Variants in CAMSAP3 observed in about 807,000 individuals in gnomAD.
CAMSAP3 encodes calmodulin-regulated spectrin-associated protein 3.
In CAMSAP3, 34 loss-of-function variants were observed where a neutral mutation model predicts 112.5. That is an observed-to-expected ratio of 0.30 (90% CI 0.23 to 0.40). CAMSAP3 has a LOEUF of 0.40. Among genes scored for constraint, CAMSAP3 ranks in the 10% least tolerant of loss-of-function variants. The pLI, the probability that CAMSAP3 is intolerant of heterozygous loss-of-function variation, is 1.00. For missense variants in CAMSAP3, 1,602 were observed against 1,770.3 expected, an observed-to-expected ratio of 0.90 and a Z score of 1.71; for synonymous variants, 868 against 799.8, an observed-to-expected ratio of 1.09 and a Z score of -1.44.
At chr19:7,603,848 G>A (rs938816800) in intron 1 of CAMSAP3, among the ~76,000 whole-genome samples, 12 of 151,834 alleles carry the variant, frequency 7.9e-5, no homozygotes, top group East Asian at 5.8e-4. Flanking sequence ...AGAGAAGGCT[G>A]TGCAGGCTGG....
chr19:7,596,517 CCTT>C (rs74842584), intron 1 of CAMSAP3, among the ~76,000 whole-genome samples: 20,053 of 152,092 alleles, frequency 0.13, 1,398 homozygotes, highest in Non-Finnish European at 0.15. Context: ...CCCTTGCACG[CCTT>C]CTTCTCTTTT....
At chr19:7,605,500 T>A (rs2030167102) in intron 2 of CAMSAP3, 21 bp downstream of exon 2, 3 of 1,450,130 alleles carry the variant, frequency 2.1e-6, no homozygotes, top group Admixed American at 2.6e-5. Context: ...CCACTGCCTG[T>A]TAGACCACGC....
chr19:7,616,402 G>C (rs2146177158), intron 13 of CAMSAP3, 121 bp from the exon 14 acceptor site: 1 of 730,068 alleles, frequency 1.4e-6, no homozygotes, highest in South Asian at 1.5e-5. Context: ...GGGTGCTGCA[G>C]AGGGCCGAGG....
chr19:7,605,561 TC>T (rs2030170999), intron 2 of CAMSAP3, 82 bp downstream of exon 2: 4 of 1,372,146 alleles, frequency 2.9e-6, no homozygotes, highest in Non-Finnish European at 3.8e-6. Context: ...TCCTGGCTCC[TC>T]CCAAGTTCCC....
Position 7,611,800 on chromosome 19 carries a change from G to C in CAMSAP3, c.1307G>C (p.Gly436Ala), listed in dbSNP as rs764179613. ...LLRSVSSDSLGPPRPAPARTP... is the reference protein window; with the variant it reads ...LLRSVSSDSLAPPRPAPARTP... The stretch of plus-strand genomic sequence containing the variant: ...CGCTCTGTGAGCTCGGACAGCCTGG[G>C]CCCCCCGCGTCCCGCGCCGGCCAGG... The change falls in exon 11 of 17, where the codon GGC becomes GCC. Residue 436 changes from glycine (G) to alanine (A), a missense_variant. Gly to Ala is a moderately conservative substitution (Grantham distance 60). Coordinates refer to ENST00000160298, the MANE Select transcript of CAMSAP3 (RefSeq NM_020902.2). This position sits in a 1 kb window ranked among gnomAD's most constrained non-coding sequence, Gnocchi z 6.9. The C allele has an allele frequency of 1.1e-5, 17 of 1,596,200 alleles. No homozygotes were observed. The highest frequency in any genetic ancestry group is 1.3e-5 in the Non-Finnish European group (15 of 1,172,072).
intron 1 of CAMSAP3, among the ~76,000 whole-genome samples, chr19:7,602,739 C>T (rs2146159184): frequency 7.2e-6 from 1 of 139,228 alleles, no homozygotes; most frequent in African/African-American, 2.6e-5. Context: ...GGTAGGGTGG[C>T]CTGGGGTGGG....
rs200525165 is a variant in CAMSAP3 at position 7,611,540 on chromosome 19, A to G, written c.1147A>G (p.Met383Val). 1.1e-4 allele frequency: 177 copies of G among 1,612,298 alleles called. No individual in the cohort carries two copies. The highest frequency in any genetic ancestry group is 1.4e-4 in the Non-Finnish European group (170 of 1,179,726). ...STGSLKSSPSMSHMEALGKAW... is the reference protein window; with the variant it reads ...STGSLKSSPSVSHMEALGKAW... ...AGGCTCCCTGAAGTCTTCCCCGTCC[A>G]TGTCCCATATGGAGGCCCTGGGCAA... is the stretch of plus-strand genomic sequence containing the variant. Residue 383 changes from methionine to valine, a missense_variant, in exon 10 of 17, where the codon ATG becomes GTG. Physicochemically the swap from Met to Val is conservative, Grantham distance 21 (BLOSUM62 1). Coordinates refer to ENST00000160298, the MANE Select transcript of CAMSAP3 (RefSeq NM_020902.2). This position sits in a 1 kb window ranked among gnomAD's most constrained non-coding sequence, Gnocchi z 6.9.
At chr19:7,606,149 A>AACCCCCCCCCCCCCCCCCCC in intron 2 of CAMSAP3, 122 bp from the exon 3 acceptor site, 1 of 135,318 alleles carries the variant, frequency 7.4e-6, no homozygotes, top group Non-Finnish European at 1.4e-5. Context: ...CCGCCCCCTC[A>AACCCCCCCCCCCCCCCCCCC]AGCCCCACCC....
intron 1 of CAMSAP3, among the ~76,000 whole-genome samples, chr19:7,599,755 G>C (rs1341598262): frequency 1.0e-4 from 5 of 49,210 alleles, no homozygotes; most frequent in Admixed American, 5.2e-4. Context: ...ATCCAACCAC[G>C]CACTCATCCA....
intron 1 of CAMSAP3, among the ~76,000 whole-genome samples, chr19:7,601,834 G>T (rs1411268371): frequency 6.6e-6 from 1 of 152,070 alleles, no homozygotes; most frequent in Non-Finnish European, 1.5e-5. Flanking sequence ...GGAGGCTAAG[G>T]TGGGTGGGTT....
rs779477280 is a variant in CAMSAP3 at position 7,611,655 on chromosome 19, C to T, written c.1194-32C>T. ...GGGCGGGTTGGGGCCGAGGCTGGTC[C>T]CAGGGGCTGACCCCTCCCTCCGGCC... On this transcript the variant is annotated intron_variant, in intron 10 of 16. Transcript: ENST00000160298. The surrounding 1 kb of genome is among the most constrained non-coding windows in gnomAD (Gnocchi z 6.9). 6.3e-7 allele frequency: 1 copy of T among 1,577,288 alleles called. No individual in the cohort carries two copies. Among genetic ancestry groups the T allele is most frequent in the Admixed American group, 1.8e-5 (1 of 56,218 alleles).
Position 7,608,261 on chromosome 19 carries a change from G to A in CAMSAP3, c.757G>A (p.Glu253Lys). Residue 253 changes from glutamate to lysine, a missense_variant, in exon 5 of 17, where the codon GAG (glutamate) becomes AAG (lysine). Around this residue, in one of 6 missense-constraint regions of CAMSAP3, gnomAD observed 58 missense variants for 108.4 expected, o/e 0.54. Coordinates refer to ENST00000160298, the MANE Select transcript of CAMSAP3 (RefSeq NM_020902.2). ...CTATTGTCCCCAGCTGCTTCGACTTGAGGGTGAGTAAATGGATGTGGAACA... is the reference window on the plus strand; with the variant it reads ...CTATTGTCCCCAGCTGCTTCGACTTAAGGGTGAGTAAATGGATGTGGAACA... ...HCYCPQLLRL[E>K]EVCLKDPMSV... is the part of the protein sequence containing the mutation. The A allele has an allele frequency of 6.2e-7, 1 of 1,611,262 alleles. No individual in the cohort carries two copies. The highest frequency in any genetic ancestry group is 8.5e-7 in the Non-Finnish European group (1 of 1,178,596).
chr19:7,613,081 G>A lies in CAMSAP3; in HGVS notation c.2588G>A (p.Ser863Asn). Residue 863 changes from serine to asparagine, a missense_variant, in exon 11 of 17, where the codon AGC (serine) becomes AAC (asparagine). Ser to Asn is a conservative substitution (Grantham distance 46, BLOSUM62 1). Transcript: ENST00000160298. ...GCCGCCGAGGACGAGGGAGACGGGAGCCCCGCTGGTGCTGAGGATTCCTTG... is the reference window on the plus strand; with the variant it reads ...GCCGCCGAGGACGAGGGAGACGGGAACCCCGCTGGTGCTGAGGATTCCTTG... ...DPAAEDEGDG[S>N]PAGAEDSLEE... is the part of the protein sequence containing the mutation. 2 of 1,547,498 alleles carry A rather than the reference G, an allele frequency of 1.3e-6. No individual in the cohort carries two copies. The highest frequency in any genetic ancestry group is 1.7e-6 in the Non-Finnish European group (2 of 1,146,606).
At position 7,615,173 on chromosome 19, in the gene CAMSAP3, C is replaced by G. The variant is rs1187010527; in HGVS notation, c.2671-10C>G. On this transcript the variant is annotated splice_polypyrimidine_tract_variant and intron_variant, in intron 11 of 16. Coordinates refer to ENST00000160298, the MANE Select transcript of CAMSAP3 (RefSeq NM_020902.2). The surrounding 1 kb of genome is among the most constrained non-coding windows in gnomAD (Gnocchi z 6.5). ...GGGGGTGGCTGGCTGGACTCGGCGT[C>G]TGTCCCCAGGATGAAGACAAGCCTG... 6.4e-7 allele frequency: 1 copy of G among 1,554,386 alleles called. No homozygotes were observed. Among genetic ancestry groups the G allele is most frequent in the South Asian group, 1.2e-5 (1 of 84,324 alleles).
intron 2 of CAMSAP3, 121 bp from the exon 3 acceptor site, chr19:7,606,150 A>ACCCCCC (rs2030204859): frequency 1.9e-5 from 5 of 265,358 alleles, no homozygotes; most frequent in East Asian, 1.5e-4. Flanking sequence ...CGCCCCCTCA[A>ACCCCCC]GCCCCACCCC....
chr19:7,613,196 G>C, intron 11 of CAMSAP3, 33 bp downstream of exon 11: 1 of 1,327,400 alleles, frequency 7.5e-7, no homozygotes, highest in Non-Finnish European at 9.9e-7. Flanking sequence ...GGAGGGTCCT[G>C]GGCCTGGGGC....
chr19:7,612,156 C>G lies in CAMSAP3; in HGVS notation c.1663C>G (p.Pro555Ala), dbSNP rs1421819670. The change falls in exon 11 of 17, where the codon CCA (proline) becomes GCA (alanine). Residue 555 changes from proline (P) to alanine (A), a missense_variant. By Grantham distance (27) the Pro-to-Ala change is conservative. Transcript: ENST00000160298. ...GTCCCCGAAGGCGGTGGCTTCGTCCCCAGCAGCCACCAACTCCGAGGTGAA... is the reference window on the plus strand; with the variant it reads ...GTCCCCGAAGGCGGTGGCTTCGTCCGCAGCAGCCACCAACTCCGAGGTGAA... ...EGSPKAVASS[P>A]AATNSEVKMT... 1.2e-6 allele frequency: 2 copies of G among 1,612,096 alleles called. No homozygotes were observed. Among genetic ancestry groups the G allele is most frequent in the Admixed American group, 1.7e-5 (1 of 59,934 alleles).
rs373440704 is a variant in CAMSAP3 at position 7,611,674 on chromosome 19, T to G, written c.1194-13T>G. Reference sequence around the variant, plus strand: ...CTGGTCCCAGGGGCTGACCCCTCCCTCCGGCCGCCCAGCCGTCCCCTCTCC... The same window carrying G: ...CTGGTCCCAGGGGCTGACCCCTCCCGCCGGCCGCCCAGCCGTCCCCTCTCC... On this transcript the variant is annotated splice_polypyrimidine_tract_variant and intron_variant, in intron 10 of 16. Transcript: ENST00000160298. The surrounding 1 kb of genome is among the most constrained non-coding windows in gnomAD (Gnocchi z 6.9). 1.7e-5 allele frequency: 27 copies of G among 1,565,546 alleles called. No homozygotes were observed. In the African/African-American group the frequency reaches 3.4e-4, roughly 20 times the overall value.
chr19:7,613,977 G>A (rs374598226), intron 11 of CAMSAP3, among the ~76,000 whole-genome samples: 3 of 152,028 alleles, frequency 2.0e-5, no homozygotes, highest in African/African-American at 7.2e-5. Flanking sequence ...TCCTCCCCAG[G>A]GTGGCCGGGC....
Sources: gnomAD v4.1 joint callset for allele counts (sites outside exome capture counted in the v4.1 genomes callset) on GRCh38, gnomAD v4.1.1 for gene constraint, gnomAD v4.1.1 regional missense constraint, Gnocchi (gnomAD v3.1) non-coding constraint, MANE v1.5 for transcripts, NCBI Gene and HGNC (gene_info 2026-07-23, HGNC 2026-07-21) for gene names.